Variants in TNFRSF10A observed in about 807,000 individuals in gnomAD.
TNFRSF10A encodes TNF receptor superfamily member 10a, also known as tumor necrosis factor receptor superfamily member 10A.
Under a neutral mutation model 42.8 loss-of-function variants are expected in TNFRSF10A, and 44 were observed. The ratio of observed to expected loss-of-function variants is 1.03; its 90% CI spans 0.81 to 1.32. TNFRSF10A has a LOEUF of 1.32. Ranked by LOEUF, TNFRSF10A falls within the 40% of genes most tolerant of loss-of-function variation. The probability of loss-of-function intolerance (pLI) is 0.00; values close to 1 mark genes in which losing one functional copy is unlikely to be tolerated. For synonymous variants in TNFRSF10A, 259 were observed against 234.2 expected (o/e 1.11, Z -0.97); for missense variants, 680 against 602.0 (o/e 1.13, Z -1.36).
chr8:23,202,915 T>C (rs548791260), intron 2 of TNFRSF10A, among the ~76,000 whole-genome samples, 154 bp from the exon 3 acceptor site: 11 of 152,260 alleles, frequency 7.2e-5, no homozygotes, highest in African/African-American at 2.4e-4. Flanking sequence ...TCTGCATCTA[T>C]ACACACCTCT....
chr8:23,222,152 C>T (rs1801265601), intron 1 of TNFRSF10A, among the ~76,000 whole-genome samples: 1 of 152,178 alleles, frequency 6.6e-6, no homozygotes, highest in Admixed American at 6.5e-5. Flanking sequence ...GCTGGGATTA[C>T]AGGCGTTAGC....
At chr8:23,209,704 C>T (rs1313213014) in intron 2 of TNFRSF10A, among the ~76,000 whole-genome samples, 1 of 152,238 alleles carries the variant, frequency 6.6e-6, no homozygotes, top group Non-Finnish European at 1.5e-5. Context: ...TATCCAATGC[C>T]TGTACCCCCA....
intron 7 of TNFRSF10A, 76 bp downstream of exon 7, chr8:23,199,810 C>A (rs367841412): frequency 1.2e-6 from 2 of 1,606,682 alleles, no homozygotes; most frequent in South Asian, 1.1e-5. Flanking sequence ...GGGGACCCAC[C>A]CACCTGGACT....
chr8:23,200,004 T>TGGGGGGGGGG, intron 6 of TNFRSF10A, 87 bp from the exon 7 acceptor site: 1 of 1,173,350 alleles, frequency 8.5e-7, no homozygotes, highest in Non-Finnish European at 1.3e-6. Context: ...AGGGGTGGGC[T>TGGGGGGGGGG]GGGGGCTGGG....
Position 23,212,223 on chromosome 8 carries a change from A to C in TNFRSF10A, c.307-11T>G, listed in dbSNP as rs1801102648. The C allele has an allele frequency of 6.2e-7, 1 of 1,611,994 alleles. No homozygotes were observed. Among genetic ancestry groups the C allele is most frequent in the Non-Finnish European group, 8.5e-7 (1 of 1,178,504 alleles). ...TGAGCTAGGTACGACCTGTGGGGAC[A>C]AAGCAGGGACTGGCATGAGTGGCTT... On this transcript the variant is annotated splice_polypyrimidine_tract_variant and intron_variant, in intron 1 of 9. Coordinates refer to ENST00000221132, the MANE Select transcript of TNFRSF10A (RefSeq NM_003844.4).
intron 2 of TNFRSF10A, among the ~76,000 whole-genome samples, chr8:23,211,691 T>A (rs1209748040): frequency 6.6e-6 from 1 of 152,208 alleles, no homozygotes; most frequent in Non-Finnish European, 1.5e-5. Context: ...TATAGATCAA[T>A]GGAAAAGAAT....
intron 8 of TNFRSF10A, among the ~76,000 whole-genome samples, chr8:23,197,496 G>A (rs1800843077): frequency 6.6e-6 from 1 of 152,198 alleles, no homozygotes; most frequent in East Asian, 1.9e-4. Flanking sequence ...CTCCTTATGA[G>A]AATCTTATGC....
At position 23,208,496 on chromosome 8, in the gene TNFRSF10A, G is replaced by A. The variant is rs539799251; in HGVS notation, c.403+3620C>T. 1.3e-4 allele frequency among the ~76,000 whole-genome samples: 20 copies of A among 152,084 alleles called. No homozygotes were observed. The South Asian group carries it at 2.9e-3, about 22-fold the overall frequency. On this transcript the variant is annotated intron_variant, in intron 2 of 9. Transcript: ENST00000221132. ...TTTTGAGACAGAGTCTTGCTCTGTT[G>A]CCCAGGCTGGAGTGCAGTGGCATGA...
chr8:23,199,754 A>C (rs1204227130), intron 7 of TNFRSF10A, 132 bp downstream of exon 7: 1 of 1,280,488 alleles, frequency 7.8e-7, no homozygotes, highest in Middle Eastern at 1.9e-4. Context: ...TAGTCAATGC[A>C]CAGCATCCAG....
chr8:23,224,493 G>A (rs1326429221), intron 1 of TNFRSF10A: 3 of 515,446 alleles, frequency 5.8e-6, no homozygotes, highest in African/African-American at 2.1e-5. Context: ...GGAGGGAGAC[G>A]CGCCAGGCAG....
intron 2 of TNFRSF10A, among the ~76,000 whole-genome samples, chr8:23,208,534 G>A (rs1801049552): frequency 6.6e-6 from 1 of 152,100 alleles, no homozygotes; most frequent in Admixed American, 6.5e-5. Flanking sequence ...TCGGCTCACT[G>A]CAAGTCCGCC....
rs913451364 is a variant in TNFRSF10A, at chr8:23,199,860, C to T, written c.831+26G>A. ...AAGCAGTTCCTGAGCCCCTGATGCC[C>T]CCAGCTCCTGGAGAAATCAACTCAC... On this transcript the variant is annotated intron_variant, in intron 7 of 9. Transcript: ENST00000221132. 4 of 1,614,062 alleles carry T rather than the reference C, an allele frequency of 2.5e-6. No individual in the cohort carries two copies. The African/African-American group carries it at 5.3e-5, about 22-fold the overall frequency.
intron 2 of TNFRSF10A, among the ~76,000 whole-genome samples, chr8:23,209,501 A>G (rs1233875264): frequency 2.2e-4 from 33 of 152,208 alleles, no homozygotes; most frequent in Admixed American, 2.1e-3. Flanking sequence ...ATACCTTGCA[A>G]TGCCACAGGG....
chr8:23,208,123 T>A (rs921591742), intron 2 of TNFRSF10A, among the ~76,000 whole-genome samples: 2 of 152,078 alleles, frequency 1.3e-5, no homozygotes, highest in Non-Finnish European at 2.9e-5. Context: ...ATATGGACAA[T>A]AAAGTCCAGG....
Position 23,199,399 on chromosome 8 carries a change from T to C in TNFRSF10A, c.881A>G (p.Asn294Ser). Residue 294 changes from asparagine to serine, a missense_variant, in exon 8 of 10, where the codon AAT becomes AGT. By Grantham distance (46) the Asn-to-Ser change is conservative. Transcript: ENST00000221132. ...GLLRGPGAEDNAHNEILSNAD... is the reference protein window; with the variant it reads ...GLLRGPGAEDSAHNEILSNAD... ...GTTGCTCAGAATCTCGTTGTGAGCA[T>C]TGTCCTCAGCCCCAGGCCCTCGTAG... is the stretch of plus-strand genomic sequence containing the variant. The C allele has an allele frequency of 1.2e-6, 2 of 1,614,106 alleles. No homozygotes were observed. Among genetic ancestry groups the C allele is most frequent in the Non-Finnish European group, 1.7e-6 (2 of 1,179,934 alleles).
chr8:23,223,763 G>C (rs1336210929), intron 1 of TNFRSF10A, among the ~76,000 whole-genome samples: 3 of 152,210 alleles, frequency 2.0e-5, no homozygotes, highest in African/African-American at 7.2e-5. Context: ...TAATGAACTT[G>C]AAAGAGAACT....
chr8:23,224,805 A>G lies in TNFRSF10A; in HGVS notation c.257T>C (p.Leu86Pro). 6.4e-7 allele frequency: 1 copy of G among 1,567,740 alleles called. No homozygotes were observed. Residue 86 changes from leucine (L) to proline (P), a missense_variant, in exon 1 of 10, where the codon CTC becomes CCC. Leu to Pro is a moderately conservative substitution (Grantham distance 98). Coordinates refer to ENST00000221132, the MANE Select transcript of TNFRSF10A (RefSeq NM_003844.4). ...AAACTTGAAGGTCTTGTGGACCCGG[A>G]GCCGAGGGCTGGCTTCCCGCGCCGG... is the stretch of plus-strand genomic sequence containing the variant. ...PRPAREASPR[L>P]RVHKTFKFVV...
chr8:23,217,255 T>C (rs1801197523), intron 1 of TNFRSF10A, among the ~76,000 whole-genome samples: 2 of 152,136 alleles, frequency 1.3e-5, no homozygotes, highest in Admixed American at 1.3e-4. Context: ...CTTGCTCTGT[T>C]GCCAGGCTGG....
At chr8:23,193,132 A>C (rs922359882) in intron 9 of TNFRSF10A, among the ~76,000 whole-genome samples, 1 of 152,182 alleles carries the variant, frequency 6.6e-6, no homozygotes, top group Non-Finnish European at 1.5e-5. Flanking sequence ...CTTCTTGGCA[A>C]TACTCATCAT....
Sources: gnomAD v4.1 joint callset for allele counts (sites outside exome capture counted in the v4.1 genomes callset) on GRCh38, gnomAD v4.1.1 for gene constraint, MANE v1.5 for transcripts, NCBI Gene and HGNC (gene_info 2026-07-23, HGNC 2026-07-21) for gene names.